The following UNC5B variants were observed in gnomAD, a reference collection of about 807,000 sequenced individuals.
The protein encoded by UNC5B is unc-5 netrin receptor B, also known as netrin receptor UNC5B.
Under a neutral mutation model 103.7 loss-of-function variants are expected in UNC5B, and 56 were observed. The ratio of observed to expected loss-of-function variants is 0.54; its 90% confidence interval spans 0.44 to 0.67. The LOEUF (loss-of-function observed/expected upper bound fraction) is 0.67, where lower values mean the gene tolerates loss of function less well. UNC5B is among the 30% of genes least tolerant of loss of function. The pLI, the probability that UNC5B is intolerant of heterozygous loss-of-function variation, is 0.00. For synonymous variants in UNC5B, 577 were observed against 542.0 expected (o/e 1.06, Z -0.90); for missense variants, 1,194 against 1,284.5 (o/e 0.93, Z 1.08).
At position 71,256,233 on chromosome 10, in the gene UNC5B, A is replaced by C. The variant is rs866729705; in HGVS notation, c.80-23588A>C. ...GAGGTGAACAGGTGAGTGGACGAGTACCCGCCACACCCCTATGCTGCTGCC... is the reference window on the plus strand; with the variant it reads ...GAGGTGAACAGGTGAGTGGACGAGTCCCCGCCACACCCCTATGCTGCTGCC... On this transcript the variant is annotated intron_variant, in intron 1 of 16. Coordinates refer to ENST00000335350, the MANE Select transcript of UNC5B (RefSeq NM_170744.5). Among the ~76,000 whole-genome samples, 50 of 151,340 alleles carry C rather than the reference A, an allele frequency of 3.3e-4. No homozygotes were observed. The South Asian group carries it at 0.01, about 30-fold the overall frequency.
At chr10:71,298,183 A>G (rs1021721567) in intron 16 of UNC5B, 93 bp downstream of exon 16, 140 of 1,435,384 alleles carry the variant, frequency 9.8e-5, no homozygotes, top group Non-Finnish European at 1.9e-5. Flanking sequence ...AGCCACGACC[A>G]TCTCCCAGAC....
intron 1 of UNC5B, among the ~76,000 whole-genome samples, chr10:71,235,436 G>A (rs1843756870): frequency 6.6e-6 from 1 of 152,250 alleles, no homozygotes; most frequent in African/African-American, 2.4e-5. Context: ...GGAAGAAGAG[G>A]GTATGTGGAC....
chr10:71,246,389 G>C (rs1269265773), intron 1 of UNC5B, among the ~76,000 whole-genome samples: 1 of 152,014 alleles, frequency 6.6e-6, no homozygotes, highest in African/African-American at 2.4e-5. Context: ...ATCACAGTGG[G>C]GTGGGGGGCC....
chr10:71,244,102 G>A (rs1843968556), intron 1 of UNC5B, among the ~76,000 whole-genome samples: 1 of 152,216 alleles, frequency 6.6e-6, no homozygotes, highest in African/African-American at 2.4e-5. Context: ...TCTAGTACTG[G>A]GCCAGGCATC....
rs74470931 is a variant in UNC5B, at chr10:71,279,809, C to T, written c.80-12C>T. ...GCACACAGCCTCATGGAGGTCTCCA[C>T]TCACTCTGCAGGCACTGATTCTGGC... On this transcript the variant is annotated splice_polypyrimidine_tract_variant and intron_variant, in intron 1 of 16. Transcript: ENST00000335350. The T allele has an allele frequency of 6.5e-4, 1,042 of 1,610,676 alleles. 2 individuals are homozygous for T. The highest frequency in any genetic ancestry group is 8.3e-4 in the Non-Finnish European group (982 of 1,178,778).
intron 1 of UNC5B, among the ~76,000 whole-genome samples, chr10:71,253,642 T>C (rs1490998163): frequency 6.6e-6 from 1 of 152,226 alleles, no homozygotes; most frequent in Non-Finnish European, 1.5e-5. Context: ...CCCTGGTTCC[T>C]GGCTGAAAGC....
At chr10:71,266,907 C>G (rs1844536863) in intron 1 of UNC5B, among the ~76,000 whole-genome samples, 1 of 152,170 alleles carries the variant, frequency 6.6e-6, no homozygotes, top group Admixed American at 6.5e-5. Context: ...CTGTCTCACT[C>G]CATCCTGCCC....
Position 71,288,986 on chromosome 10 carries a change from C to G in UNC5B, c.1095C>G (p.Ser365Arg). ...QNKKTLSDPN[S>R]HLLEASGDAA... ...AGAAAACTCTAAGCGACCCCAACAG[C>G]CACCGTAAGTCCCATTTCATGGCTG... Residue 365 changes from serine (S) to arginine (R), a missense_variant, in exon 8 of 17, where the codon AGC becomes AGG. By Grantham distance (110) the Ser-to-Arg change is moderately radical. Transcript: ENST00000335350. 6.2e-7 allele frequency: 1 copy of G among 1,614,208 alleles called. No individual in the cohort carries two copies. The highest frequency in any genetic ancestry group is 8.5e-7 in the Non-Finnish European group (1 of 1,180,024).
intron 2 of UNC5B, among the ~76,000 whole-genome samples, chr10:71,281,696 C>T (rs7903668): frequency 0.24 from 36,387 of 152,194 alleles, 5,318 homozygotes; most frequent in African/African-American, 0.41. Context: ...GCTGCCCCCA[C>T]TCTTTTTCTG....
intron 1 of UNC5B, among the ~76,000 whole-genome samples, chr10:71,262,013 G>A (rs570613705): frequency 2.0e-5 from 3 of 151,992 alleles, no homozygotes; most frequent in Admixed American, 6.6e-5. Context: ...GATGGGGTAG[G>A]GGGGAGGTGG....
chr10:71,236,164 T>G (rs1843771261), intron 1 of UNC5B, among the ~76,000 whole-genome samples: 1 of 152,030 alleles, frequency 6.6e-6, no homozygotes, highest in Non-Finnish European at 1.5e-5. Flanking sequence ...AATGAGATAT[T>G]GAAGGTGACA....
chr10:71,273,855 C>G (rs1844703391), intron 1 of UNC5B, among the ~76,000 whole-genome samples: 1 of 152,200 alleles, frequency 6.6e-6, no homozygotes, highest in Non-Finnish European at 1.5e-5. Context: ...AAGGTGCCCT[C>G]TAGACCCTAG....
At chr10:71,238,857 G>A (rs2132257043) in intron 1 of UNC5B, among the ~76,000 whole-genome samples, 1 of 152,262 alleles carries the variant, frequency 6.6e-6, no homozygotes, top group East Asian at 1.9e-4. Context: ...ATAGCTCACT[G>A]CAGCCTCGAC....
At position 71,302,491 on chromosome 10, in the gene UNC5B, C is replaced by T. The variant is rs893765785; in HGVS notation, c.*3214C>T. ...CTACGTGCCTCTCCCTCTGCCTTCT[C>T]TCACAGTGCCCCCGGCTCCAGAGCT... On this transcript the variant is annotated 3_prime_UTR_variant, in exon 17 of 17. Transcript: ENST00000335350. 9.2e-5 allele frequency: 14 copies of T among 151,764 alleles called. No homozygotes were observed. The highest frequency in any genetic ancestry group is 3.4e-4 in the African/African-American group (14 of 40,874). The allele number at this position is 151,764 out of a possible 1,614,324, so 9.4% of individuals were successfully genotyped here. A position where few individuals can be genotyped will look rare whatever the true frequency, so the allele number is the denominator to read the frequency against.
chr10:71,288,472 A>T (rs757952115), intron 6 of UNC5B, 96 bp from the exon 7 acceptor site: 7 of 1,507,446 alleles, frequency 4.6e-6, no homozygotes, highest in Non-Finnish European at 6.3e-6. Flanking sequence ...GTGTGTATGC[A>T]TGCATGTGTG....
intron 1 of UNC5B, among the ~76,000 whole-genome samples, chr10:71,214,354 T>C (rs947671801): frequency 1.1e-4 from 17 of 152,078 alleles, no homozygotes; most frequent in African/African-American, 4.1e-4. Flanking sequence ...TTTTTTTTTT[T>C]TCTGGTGCAA....
At chr10:71,215,806 G>GGT (rs55848098) in intron 1 of UNC5B, among the ~76,000 whole-genome samples, 2,786 of 149,604 alleles carry the variant, frequency 0.019, 35 homozygotes, top group African/African-American at 0.027. Flanking sequence ...GTCTCTGCTT[G>GGT]GTGTGTGTGT....
At position 71,286,792 on chromosome 10, in the gene UNC5B, A is replaced by T; in HGVS notation, c.656A>T (p.Asp219Val). The change falls in exon 5 of 17, where the codon GAC becomes GTC. Residue 219 changes from aspartate to valine, a missense_variant. Physicochemically the swap from Asp to Val is radical, Grantham distance 152. Coordinates refer to ENST00000335350, the MANE Select transcript of UNC5B (RefSeq NM_170744.5). ...ATCATCCGCCAGGCCCGCCTGTCGG[A>T]CACTGCCAACTATACCTGCGTGGCC... ...NLIIRQARLSDTANYTCVAKN... is the reference protein window; with the variant it reads ...NLIIRQARLSVTANYTCVAKN... 6.2e-7 allele frequency: 1 copy of T among 1,614,178 alleles called. No homozygotes were observed. Among genetic ancestry groups the T allele is most frequent in the Non-Finnish European group, 8.5e-7 (1 of 1,180,040 alleles).
At chr10:71,244,430 A>G (rs1843976756) in intron 1 of UNC5B, among the ~76,000 whole-genome samples, 1 of 152,200 alleles carries the variant, frequency 6.6e-6, no homozygotes, top group Non-Finnish European at 1.5e-5. Flanking sequence ...GGCACTGCAG[A>G]AGGTTTACAG....
Sources: gnomAD v4.1 joint callset for allele counts (sites outside exome capture counted in the v4.1 genomes callset) on GRCh38, gnomAD v4.1.1 for gene constraint, MANE v1.5 for transcripts, NCBI Gene and HGNC (gene_info 2026-07-23, HGNC 2026-07-21) for gene names.